FRMD4B: variants seen among roughly 807,000 people sequenced by gnomAD.
The protein encoded by FRMD4B is FERM domain-containing protein 4B.
A neutral mutation model predicts 141.5 loss-of-function variants in FRMD4B; 74 were observed. The observed-to-expected ratio is 0.52, with a 90% CI of 0.43 to 0.63. The LOEUF is 0.63. Among genes scored for constraint, FRMD4B ranks in the 30% least tolerant of loss-of-function variants. The pLI is 0.00. For missense variants in FRMD4B, 1,366 were observed against 1,253.4 expected, an observed-to-expected ratio of 1.09 and a Z score of -1.36; for synonymous variants, 506 against 467.9, an observed-to-expected ratio of 1.08 and a Z score of -1.05.
intron 2 of FRMD4B, among the ~76,000 whole-genome samples, chr3:69,417,928 GCT>G (rs1041074354): frequency 1.3e-5 from 2 of 152,042 alleles, no homozygotes; most frequent in Non-Finnish European, 2.9e-5. Flanking sequence ...TCTAATCTCT[GCT>G]CTCTCTCTTT....
At chr3:69,306,541 C>T (rs569009924) in intron 3 of FRMD4B, 8 of 152,288 alleles carry the variant, frequency 5.3e-5, no homozygotes, top group African/African-American at 1.9e-4. Context: ...TCAGGAGGGC[C>T]GTGACTGCCC....
chr3:69,228,044 G>A (rs1274139547), intron 7 of FRMD4B, among the ~76,000 whole-genome samples: 3 of 152,232 alleles, frequency 2.0e-5, no homozygotes, highest in South Asian at 4.1e-4. Flanking sequence ...GGTTCTCAAC[G>A]TGGGCAATTT....
At chr3:69,248,683 A>C (rs1326344143) in intron 7 of FRMD4B, among the ~76,000 whole-genome samples, 2 of 152,234 alleles carry the variant, frequency 1.3e-5, no homozygotes, top group Admixed American at 1.3e-4. Context: ...GTAGAGGGTG[A>C]ATTCAAATAT....
chr3:69,269,909 T>G (rs998277224), intron 5 of FRMD4B, among the ~76,000 whole-genome samples: 11 of 152,240 alleles, frequency 7.2e-5, no homozygotes, highest in African/African-American at 4.8e-5. Context: ...CGTGAACCAC[T>G]GTGCCCGGCC....
upstream of FRMD4B, among the ~76,000 whole-genome samples, chr3:69,390,910 A>G (rs941039593): frequency 6.6e-6 from 1 of 152,106 alleles, no homozygotes; most frequent in Non-Finnish European, 1.5e-5. Flanking sequence ...AATAAAAAAT[A>G]AAATAAAATA....
intron 1 of FRMD4B, among the ~76,000 whole-genome samples, chr3:69,357,228 A>G (rs1036845320): frequency 5.3e-5 from 8 of 152,234 alleles, no homozygotes; most frequent in African/African-American, 1.4e-4. Flanking sequence ...GGGGTCCCAG[A>G]TAACTGGCAT....
intron 1 of FRMD4B, among the ~76,000 whole-genome samples, chr3:69,493,076 T>C (rs1476237744): frequency 6.6e-6 from 1 of 152,212 alleles, no homozygotes; most frequent in East Asian, 1.9e-4. Context: ...AAATATTATC[T>C]TACAAGCAGC....
At chr3:69,430,814 C>A (rs1360836701) in intron 2 of FRMD4B, among the ~76,000 whole-genome samples, 2 of 152,198 alleles carry the variant, frequency 1.3e-5, no homozygotes, top group African/African-American at 4.8e-5. Flanking sequence ...TCAAGTTCAG[C>A]ACCTATCAGA....
Position 69,469,681 on chromosome 3 carries a change from T to C in FRMD4B, c.-128-36920A>G, listed in dbSNP as rs539843496. ...TCCACAAGATTATTATTAATCACAG[T>C]AATTCAATTTATGGAAAATTAAAGA... On this transcript the variant is annotated intron_variant, in intron 1 of 5. Coordinates refer to the FRMD4B transcript ENST00000459638. Among the ~76,000 whole-genome samples, 12 of 152,340 alleles carry C rather than the reference T, an allele frequency of 7.9e-5. No individual in the cohort carries two copies. The South Asian group carries it at 8.3e-4, about 11-fold the overall frequency.
intron 2 of FRMD4B, chr3:69,432,534 G>A: frequency 6.6e-6 from 1 of 152,112 alleles, no homozygotes; most frequent in Non-Finnish European, 1.5e-5. Flanking sequence ...AGCCCCGCTT[G>A]ACAAGTCAAT....
chr3:69,174,123 C>T (rs903879478), intron 22 of FRMD4B, among the ~76,000 whole-genome samples: 1 of 126,748 alleles, frequency 7.9e-6, no homozygotes, highest in East Asian at 2.3e-4. Flanking sequence ...GGCAACAGAA[C>T]AAGGCTCCGT....
chr3:69,303,433 C>T (rs1038300881), intron 3 of FRMD4B, among the ~76,000 whole-genome samples: 1 of 151,272 alleles, frequency 6.6e-6, no homozygotes, highest in African/African-American at 2.4e-5. Flanking sequence ...AAGTATATGG[C>T]GATTTTAAAA....
intron 1 of FRMD4B, chr3:69,471,344 T>A: frequency 5.3e-6 from 1 of 188,696 alleles, no homozygotes; most frequent in Non-Finnish European, 1.1e-5. Flanking sequence ...AGGGTGATCA[T>A]AAGGATTAAT....
chr3:69,192,434 G>T (rs4508787), intron 17 of FRMD4B, among the ~76,000 whole-genome samples: 4 of 152,130 alleles, frequency 2.6e-5, no homozygotes, highest in Admixed American at 2.6e-4. Flanking sequence ...CAATTTCATA[G>T]ATGTTAAAAT....
intron 1 of FRMD4B, among the ~76,000 whole-genome samples, chr3:69,505,277 T>G (rs943052994): frequency 2.7e-5 from 4 of 150,754 alleles, no homozygotes; most frequent in African/African-American, 9.8e-5. Flanking sequence ...ACCCAGGAGG[T>G]TGAGGTAGGA....
At chr3:69,526,362 A>G (rs73835877) in intron 1 of FRMD4B, among the ~76,000 whole-genome samples, 4,202 of 152,266 alleles carry the variant, frequency 0.028, 206 homozygotes, top group African/African-American at 0.096. Flanking sequence ...GCTGCCTCCC[A>G]TTCCCTGTCT....
chr3:69,498,008 C>T (rs1022074579), intron 1 of FRMD4B, among the ~76,000 whole-genome samples: 2 of 152,158 alleles, frequency 1.3e-5, no homozygotes, highest in Admixed American at 1.3e-4. Flanking sequence ...TAAGACATTA[C>T]TTTTTAAATT....
At chr3:69,292,120 G>T (rs1336585879) in intron 4 of FRMD4B, among the ~76,000 whole-genome samples, 1 of 152,208 alleles carries the variant, frequency 6.6e-6, no homozygotes. Context: ...ATGATATAAT[G>T]CTTTCCTACA....
chr3:69,201,972 G>A (rs2092972118), intron 11 of FRMD4B, among the ~76,000 whole-genome samples: 1 of 152,172 alleles, frequency 6.6e-6, no homozygotes, highest in Non-Finnish European at 1.5e-5. Flanking sequence ...GAGAGGCCGA[G>A]GCGGGTGGAT....
Sources: gnomAD v4.1 joint callset for allele counts (sites outside exome capture counted in the v4.1 genomes callset) on GRCh38, gnomAD v4.1.1 for gene constraint, MANE v1.5 for transcripts, NCBI Gene and HGNC (gene_info 2026-07-23, HGNC 2026-07-21) for gene names.